Variants in HVCN1 observed in about 807,000 individuals in gnomAD.
The protein encoded by HVCN1 is voltage-gated hydrogen channel 1.
A neutral mutation model predicts 29.2 loss-of-function variants in HVCN1; 14 were observed. That is an observed-to-expected ratio of 0.48 (90% CI 0.32 to 0.75). The LOEUF is 0.75. Ranked by LOEUF, HVCN1 falls within the 30% of genes least tolerant of loss-of-function variation. HVCN1 has a pLI of 0.04. For missense variants in HVCN1, 263 were observed against 341.8 expected, an observed-to-expected ratio of 0.77 and a Z score of 1.82; for synonymous variants, 131 against 133.2, an observed-to-expected ratio of 0.98 and a Z score of 0.11.
chr12:110,689,892 G>A (rs73194018), upstream of HVCN1: 12,363 of 152,388 alleles, frequency 0.081, 544 homozygotes, highest in Middle Eastern at 0.11. This position sits in a 1 kb window ranked among gnomAD's most constrained non-coding sequence, Gnocchi z 5.7. Flanking sequence ...GAGACCATTT[G>A]TCCCAAACAT....
At chr12:110,669,665 A>G (rs16940935) in intron 3 of HVCN1, among the ~76,000 whole-genome samples, 20,743 of 151,904 alleles carry the variant, frequency 0.14, 1,859 homozygotes, top group African/African-American at 0.26. Flanking sequence ...TGTACGTCAC[A>G]CTGTCTTAAC....
At chr12:110,677,257 C>T (rs1008436828) in intron 3 of HVCN1, among the ~76,000 whole-genome samples, 1 of 151,966 alleles carries the variant, frequency 6.6e-6, no homozygotes, top group Non-Finnish European at 1.5e-5. Flanking sequence ...CTGTTTTGCA[C>T]GCTCTATCTA....
At chr12:110,687,420 G>T (rs937766647) in intron 2 of HVCN1, among the ~76,000 whole-genome samples, 1 of 152,148 alleles carries the variant, frequency 6.6e-6, no homozygotes, top group African/African-American at 2.4e-5. Flanking sequence ...GAGCATTCCC[G>T]GGAAAAGGAA....
rs1340324416 is a variant in HVCN1, at chr12:110,694,879, GT to G, written c.-103-6172del. 6.6e-6 allele frequency among the ~76,000 whole-genome samples: 1 copy of G among 152,230 alleles called. No homozygotes were observed. Among genetic ancestry groups the G allele is most frequent in the Admixed American group, 6.5e-5 (1 of 15,278 alleles). Reference sequence around the variant, plus strand: ...TCACAGTTCAGAGTCACACAGAAGAGTAGGAAGAACACAGGCATTGCATCAA... The same window carrying G: ...TCACAGTTCAGAGTCACACAGAAGAGAGGAAGAACACAGGCATTGCATCAA... On this transcript the variant is annotated intron_variant, in intron 2 of 4. Coordinates refer to the HVCN1 transcript ENST00000546713. The surrounding 1 kb of genome is among the most constrained non-coding windows in gnomAD (Gnocchi z 4.6).
intron 3 of HVCN1, among the ~76,000 whole-genome samples, chr12:110,666,545 G>A (rs1376669328): frequency 6.6e-6 from 1 of 152,172 alleles, no homozygotes; most frequent in Non-Finnish European, 1.5e-5. Flanking sequence ...GAGCCCCAGG[G>A]ACCATATCTA....
At chr12:110,662,645 C>T (rs1220374091) in intron 3 of HVCN1, among the ~76,000 whole-genome samples, 1 of 152,188 alleles carries the variant, frequency 6.6e-6, no homozygotes, top group Non-Finnish European at 1.5e-5. Flanking sequence ...GCGTGGGTTG[C>T]AGTGAGCCAA....
chr12:110,679,858 T>C (rs1593514200), intron 3 of HVCN1, among the ~76,000 whole-genome samples: 1 of 132,488 alleles, frequency 7.5e-6, no homozygotes. Flanking sequence ...AGACTCCGTC[T>C]CAAAAAAAAA....
chr12:110,694,089 G>A (rs1175117209), upstream of HVCN1, among the ~76,000 whole-genome samples: 3 of 152,258 alleles, frequency 2.0e-5, no homozygotes, highest in South Asian at 2.1e-4. This position sits in a 1 kb window ranked among gnomAD's most constrained non-coding sequence, Gnocchi z 4.6. Context: ...TAGGGATGGG[G>A]TCTTGCTCTG....
upstream of HVCN1, among the ~76,000 whole-genome samples, chr12:110,693,293 C>T (rs1391366794): frequency 6.6e-6 from 1 of 152,096 alleles, no homozygotes; most frequent in Admixed American, 6.6e-5. Context: ...CCTGTAATCC[C>T]AGCACTTTGG....
intron 5 of HVCN1, among the ~76,000 whole-genome samples, chr12:110,654,564 C>T (rs765627420): frequency 6.0e-5 from 9 of 150,894 alleles, no homozygotes; most frequent in Admixed American, 2.0e-4. Flanking sequence ...CTGCAGCCTC[C>T]GCCTCTGGGG....
In HVCN1 at chr12:110,676,748, T is replaced by G. The variant is rs903931607; in HGVS notation, c.21+6477A>C. ...GCTCTGGAAGCTTGTGCCAGGTTTT[T>G]TCTGAACTTCACCCCACGTGCCTTT... is the stretch of plus-strand genomic sequence containing the variant. On this transcript the variant is annotated intron_variant, in intron 3 of 7. Transcript: ENST00000242607. This position sits in a 1 kb window ranked among gnomAD's most constrained non-coding sequence, Gnocchi z 4.1. Among the ~76,000 whole-genome samples, 2 of 152,202 alleles carry G rather than the reference T, an allele frequency of 1.3e-5. No individual in the cohort carries two copies. Among genetic ancestry groups the G allele is most frequent in the African/African-American group, 2.4e-5 (1 of 41,460 alleles).
Position 110,688,616 on chromosome 12 carries a change from G to C in HVCN1, c.-20+9C>G, listed in dbSNP as rs2069290388. 1 of 152,372 alleles carries C rather than the reference G, an allele frequency of 6.6e-6. No homozygotes were observed. The highest frequency in any genetic ancestry group is 6.5e-5 in the Admixed American group (1 of 15,284). The allele number at this position is 152,372 out of a possible 1,614,324, so 9.4% of individuals were successfully genotyped here. ...GGACGATGCATCCGAGGACTTAGGG[G>C]ACACAGACCTGGTTGTGAGTTCTGG... On this transcript the variant is annotated intron_variant, in intron 2 of 7. Coordinates refer to ENST00000242607, the MANE Select transcript of HVCN1 (RefSeq NM_032369.4).
chr12:110,659,182 GA>G (rs369707941), intron 4 of HVCN1, among the ~76,000 whole-genome samples: 4 of 148,730 alleles, frequency 2.7e-5, no homozygotes, highest in African/African-American at 5.0e-5. Flanking sequence ...AGAGAGTGGG[GA>G]AAAAAAAAGA....
chr12:110,683,383 G>T, intron 2 of HVCN1, 119 bp from the exon 3 acceptor site: 2 of 1,219,430 alleles, frequency 1.6e-6, no homozygotes, highest in South Asian at 3.1e-5. Context: ...AACTGTGCCC[G>T]AAATTAGTGT....
At chr12:110,690,845 C>T (rs2069390600), upstream of HVCN1, among the ~76,000 whole-genome samples, 1 of 152,056 alleles carries the variant, frequency 6.6e-6, no homozygotes, top group Non-Finnish European at 1.5e-5. Context: ...ACCTCTGCCT[C>T]CTGAGTTCAA....
chr12:110,685,680 T>G (rs56117211), intron 2 of HVCN1, among the ~76,000 whole-genome samples: 12,401 of 152,098 alleles, frequency 0.082, 544 homozygotes, highest in Middle Eastern at 0.13. Flanking sequence ...CCCTTTTTTT[T>G]TTGTTGTTGT....
Position 110,649,145 on chromosome 12 carries a change from T to G in HVCN1, c.*265A>C. On this transcript the variant is annotated 3_prime_UTR_variant, in exon 8 of 8. Coordinates refer to ENST00000242607, the MANE Select transcript of HVCN1 (RefSeq NM_032369.4). ...ACAACTAGCAATTGTCCAGCTTTGT[T>G]GCTCATTTTCAATTAAGGCTAAAGT... is the stretch of plus-strand genomic sequence containing the variant. 1 of 676,814 alleles carries G rather than the reference T, an allele frequency of 1.5e-6. No individual in the cohort carries two copies. Among genetic ancestry groups the G allele is most frequent in the South Asian group, 1.6e-5 (1 of 63,936 alleles). The allele number at this position is 676,814 out of a possible 1,614,324, so 41.9% of individuals were successfully genotyped here. A position where few individuals can be genotyped will look rare whatever the true frequency, so the allele number is the denominator to read the frequency against.
At chr12:110,668,339 T>G (rs1358971283) in intron 3 of HVCN1, among the ~76,000 whole-genome samples, 1 of 151,946 alleles carries the variant, frequency 6.6e-6, no homozygotes, top group African/African-American at 2.4e-5. Context: ...CCATCTCTAT[T>G]AAAAACAAAC....
chr12:110,699,743 A>T lies in HVCN1; in HGVS notation c.-104+2566T>A, dbSNP rs12580187. On this transcript the variant is annotated intron_variant, in intron 2 of 4. Coordinates refer to the HVCN1 transcript ENST00000546713. ...CCAGGCGCTGCGCCGGGCACATGAT[A>T]CACATCTCTTCTTCTAGTCTTCACA... 9.2e-3 allele frequency among the ~76,000 whole-genome samples: 1,404 copies of T among 152,144 alleles called. 64 individuals are homozygous for T. In the East Asian group the frequency reaches 0.14, roughly 15 times the overall value.
Sources: allele counts gnomAD v4.1 joint callset (sites outside exome capture counted in the v4.1 genomes callset), GRCh38; gene constraint gnomAD v4.1.1; non-coding constraint Gnocchi (gnomAD v3.1); transcripts MANE v1.5; gene names NCBI Gene and HGNC (gene_info 2026-07-23, HGNC 2026-07-21).